Variants in PHIP observed in about 807,000 individuals in gnomAD.
PHIP encodes the protein PHIP subunit of CUL4-Ring ligase complex.
Under a neutral mutation model 236.8 loss-of-function variants are expected in PHIP, and 54 were observed. The ratio of observed to expected loss-of-function variants is 0.23; its 90% CI spans 0.18 to 0.29. The LOEUF is 0.29. PHIP is among the 10% of genes least tolerant of loss of function. The pLI, the probability that PHIP is intolerant of heterozygous loss-of-function variation, is 1.00. For missense variants in PHIP, 1,370 were observed against 2,190.8 expected, an observed-to-expected ratio of 0.63 and a Z score of 7.48; for synonymous variants, 756 against 718.9, an observed-to-expected ratio of 1.05 and a Z score of -0.83.
At chr6:79,059,521 T>C (rs1446658550) in intron 6 of PHIP, among the ~76,000 whole-genome samples, 1 of 149,600 alleles carries the variant, frequency 6.7e-6, no homozygotes, top group Admixed American at 6.7e-5. Context: ...TATCATATTG[T>C]ATTTTTAAAA....
Position 78,970,906 on chromosome 6 carries a change from A to C in PHIP, c.2890-18T>G. The stretch of plus-strand genomic sequence containing the variant: ...TAATAAACCTAAAAAATAAAGTCAT[A>C]ATCTTACAACCTGGATGTGTTTCCT... On this transcript the variant is annotated intron_variant, in intron 24 of 39. Transcript: ENST00000275034. The C allele has an allele frequency of 6.5e-7, 1 of 1,538,568 alleles. No individual in the cohort carries two copies. Among genetic ancestry groups the C allele is most frequent in the Non-Finnish European group, 8.9e-7 (1 of 1,120,056 alleles).
rs139112233 is a variant in PHIP, at chr6:78,981,151, T to C, written c.2769+1735A>G. On this transcript the variant is annotated intron_variant, in intron 23 of 39. Transcript: ENST00000275034. The stretch of plus-strand genomic sequence containing the variant: ...TGCATTGAGTATTCTTTAACATTTC[T>C]AGCTCCATGATTTGAGGTTTTTTTA... Among the ~76,000 whole-genome samples, 98 of 152,144 alleles carry C rather than the reference T, an allele frequency of 6.4e-4. 1 individual carries two copies. The South Asian group carries it at 8.1e-3, about 13-fold the overall frequency.
intron 25 of PHIP, 126 bp downstream of exon 25, chr6:78,970,655 C>T: frequency 1.6e-6 from 1 of 642,652 alleles, no homozygotes; most frequent in Non-Finnish European, 2.7e-6. Flanking sequence ...TCTAGGACTG[C>T]TTCAATTAAA....
intron 9 of PHIP, among the ~76,000 whole-genome samples, chr6:79,023,259 G>A (rs965047689): frequency 3.3e-5 from 5 of 152,016 alleles, no homozygotes; most frequent in Non-Finnish European, 5.9e-5. Context: ...TGTTGTTGTT[G>A]TTTGTTTGTT....
chr6:79,059,473 A>G lies in PHIP; in HGVS notation c.439+1005T>C, dbSNP rs115585524. Among the ~76,000 whole-genome samples, 191 of 151,616 alleles carry G rather than the reference A, an allele frequency of 1.3e-3. 1 individual carries two copies. Among genetic ancestry groups the G allele is most frequent in the African/African-American group, 4.3e-3 (180 of 41,466 alleles). ...TTTAAACCCAAGTACATCAATGATT[A>G]TATGTAAATGACTAAATGTTCCAGA... On this transcript the variant is annotated intron_variant, in intron 6 of 39. Coordinates refer to ENST00000275034, the MANE Select transcript of PHIP (RefSeq NM_017934.7).
At chr6:79,035,854 C>A (rs755117525) in intron 7 of PHIP, among the ~76,000 whole-genome samples, 3 of 152,106 alleles carry the variant, frequency 2.0e-5, no homozygotes, top group Admixed American at 6.5e-5. Context: ...ATCTATCAGA[C>A]CTGTGTTTCA....
At chr6:79,001,771 T>G (rs992078823) in intron 17 of PHIP, 128 bp downstream of exon 17, 21 of 631,302 alleles carry the variant, frequency 3.3e-5, no homozygotes, top group African/African-American at 2.9e-4. Context: ...AAGACCTGTA[T>G]AAAAGTATAA....
chr6:79,068,355 C>G (rs142424121), intron 4 of PHIP, among the ~76,000 whole-genome samples: 3 of 152,246 alleles, frequency 2.0e-5, no homozygotes, highest in Non-Finnish European at 4.4e-5. Context: ...CCCAGATACT[C>G]AGGAGGCTGA....
Position 79,060,541 on chromosome 6 carries a change from C to A in PHIP, c.376G>T (p.Ala126Ser). 1 of 1,613,818 alleles carries A rather than the reference C, an allele frequency of 6.2e-7. No homozygotes were observed. The highest frequency in any genetic ancestry group is 8.5e-7 in the Non-Finnish European group (1 of 1,179,812). The stretch of plus-strand genomic sequence containing the variant: ...GGTGGTCTTCCACAGTGCAACGCAG[C>A]CAGAGCAGATCCTTTCCACACAACA... ...KHVVWKGSAL[A>S]ALHCGRPPES... is the part of the protein sequence containing the mutation. The change falls in exon 6 of 40, where the codon GCT becomes TCT. Residue 126 changes from alanine (A) to serine (S), a missense_variant. Around this residue, in one of 14 missense-constraint regions of PHIP, gnomAD observed 82 missense variants for 203.2 expected, o/e 0.40. Coordinates refer to ENST00000275034, the MANE Select transcript of PHIP (RefSeq NM_017934.7).
At chr6:78,949,453 A>G (rs2174739) in intron 35 of PHIP, among the ~76,000 whole-genome samples, 69,225 of 151,776 alleles carry the variant, frequency 0.46, 16,391 homozygotes, top group East Asian at 0.69. Context: ...ATCATCTCAG[A>G]GCTGGGACCA....
At chr6:79,042,762 G>T in intron 7 of PHIP, 81 bp downstream of exon 7, 1 of 1,039,944 alleles carries the variant, frequency 9.6e-7, no homozygotes, top group African/African-American at 1.7e-5. Context: ...AAAAAAGCAA[G>T]GTTTTACTTC....
At chr6:79,008,106 A>T (rs2127736064) in intron 15 of PHIP, among the ~76,000 whole-genome samples, 1 of 151,766 alleles carries the variant, frequency 6.6e-6, no homozygotes, top group Middle Eastern at 3.4e-3. Flanking sequence ...CAGTGAGATG[A>T]GATTGTGCCA....
At chr6:78,980,687 C>T (rs1768463633) in intron 23 of PHIP, among the ~76,000 whole-genome samples, 1 of 152,002 alleles carries the variant, frequency 6.6e-6, no homozygotes, top group Non-Finnish European at 1.5e-5. Flanking sequence ...ATGTTATGCA[C>T]TGAGTATATC....
chr6:79,039,684 TATGTTTCTGAAAAGGGGGGAA>T (rs886653290), intron 7 of PHIP, among the ~76,000 whole-genome samples: 49 of 152,292 alleles, frequency 3.2e-4, no homozygotes, highest in African/African-American at 1.2e-3. Flanking sequence ...AGAGACAATT[TATGTTTCTGAAAAGGGGGGAA>T]AACTCTGCTT....
intron 15 of PHIP, among the ~76,000 whole-genome samples, chr6:79,008,460 C>T (rs1039722888): frequency 6.6e-6 from 1 of 151,922 alleles, no homozygotes; most frequent in African/African-American, 2.4e-5. Context: ...AATTTAACAT[C>T]ATTTTGTACC....
At chr6:78,941,599 G>C (rs187699755) in intron 39 of PHIP, among the ~76,000 whole-genome samples, 3 of 152,132 alleles carry the variant, frequency 2.0e-5, no homozygotes, top group Non-Finnish European at 4.4e-5. Context: ...TTGTGATTGA[G>C]TATAAAGCTG....
intron 13 of PHIP, 93 bp downstream of exon 13, chr6:79,016,451 T>TAAAAA: frequency 1.7e-6 from 1 of 590,142 alleles, no homozygotes. Context: ...TTTAACATGA[T>TAAAAA]ATATAATTTT....
At chr6:78,961,569 T>A in intron 31 of PHIP, 121 bp downstream of exon 31, 1 of 864,322 alleles carries the variant, frequency 1.2e-6, no homozygotes, top group Non-Finnish European at 1.8e-6. Flanking sequence ...TTTAACATAA[T>A]CCCCATAATC....
chr6:78,975,142 G>A (rs374107619), intron 24 of PHIP, among the ~76,000 whole-genome samples: 15,992 of 151,490 alleles, frequency 0.11, 868 homozygotes, highest in Middle Eastern at 0.19. Context: ...CTGGCAAACC[G>A]AATCCAGCAG....
Sources: allele counts gnomAD v4.1 joint callset (sites outside exome capture counted in the v4.1 genomes callset), GRCh38; gene constraint gnomAD v4.1.1; regional missense constraint gnomAD v4.1.1; transcripts MANE v1.5; gene names NCBI Gene and HGNC (gene_info 2026-07-23, HGNC 2026-07-21).